Variants in PHKA2 observed in about 807,000 individuals in gnomAD.
The protein encoded by PHKA2 is phosphorylase kinase regulatory subunit alpha 2.
Under a neutral mutation model 102.0 loss-of-function variants are expected in PHKA2, and 31 were observed. The observed-to-expected ratio is 0.30, with a 90% CI of 0.23 to 0.41. The LOEUF is 0.41. Among genes scored for constraint, PHKA2 ranks in the 10% least tolerant of loss-of-function variants. PHKA2 has a pLI of 1.00. For synonymous variants in PHKA2, 455 were observed against 416.2 expected (o/e 1.09, Z -1.13); for missense variants, 858 against 1,023.1 (o/e 0.84, Z 2.20).
intron 1 of PHKA2, among the ~76,000 whole-genome samples, chrX:18,967,761 C>G (rs1382903187): frequency 9.2e-6 from 1 of 108,947 alleles, no homozygotes; most frequent in Non-Finnish European, 1.9e-5. Context: ...CCAGATCCAA[C>G]AAATGAAAGC....
In PHKA2 at chrX:18,926,743, G is replaced by C. The variant is rs776260596; in HGVS notation, c.1325-156C>G. On this transcript the variant is annotated intron_variant, in intron 13 of 32. Coordinates refer to ENST00000379942, the MANE Select transcript of PHKA2 (RefSeq NM_000292.3). Reference sequence around the variant, plus strand: ...TGGAAATGACAGTGTTCGTCCTGCTGCTCCTCCCCATTCTGTCCTTGCCAC... The same window carrying C: ...TGGAAATGACAGTGTTCGTCCTGCTCCTCCTCCCCATTCTGTCCTTGCCAC... 6.3e-5 allele frequency among the ~76,000 whole-genome samples: 7 copies of C among 111,451 alleles called. No homozygotes were observed. The East Asian group carries it at 2.0e-3, about 32-fold the overall frequency.
At chrX:18,928,934 AAAG>A (rs1485309308) in intron 13 of PHKA2, among the ~76,000 whole-genome samples, 1 of 112,752 alleles carries the variant, frequency 8.9e-6, no homozygotes, top group Non-Finnish European at 1.9e-5. Context: ...TCTATTTTTC[AAAG>A]AATAACAATG....
rs187820216 is a variant in PHKA2, at chrX:18,895,212, A to G, written c.3283-21T>C. ...TGGCACTGGAGGCAGAATAGAGCGC[A>G]TTTCAGTCAGATTCCAGAATGGGAT... On this transcript the variant is annotated intron_variant, in intron 30 of 32. Transcript: ENST00000379942. The G allele has an allele frequency of 3.3e-6, 4 of 1,198,093 alleles. No homozygotes were observed. The African/African-American group carries it at 7.0e-5, about 21-fold the overall frequency.
chrX:18,926,238 G>A (rs981841857), intron 14 of PHKA2, among the ~76,000 whole-genome samples: 6 of 112,416 alleles, frequency 5.3e-5, no homozygotes, highest in East Asian at 5.6e-4. Context: ...CAACAGATCC[G>A]GCGAATGCTT....
Position 18,929,825 on chromosome X carries a change from A to G in PHKA2, c.1246-519T>C, listed in dbSNP as rs768899579. Among the ~76,000 whole-genome samples the G allele has an allele frequency of 8.9e-5, 10 of 112,200 alleles. No individual in the cohort carries two copies. The South Asian group carries it at 3.8e-3, about 42-fold the overall frequency. On this transcript the variant is annotated intron_variant, in intron 12 of 32. Coordinates refer to ENST00000379942, the MANE Select transcript of PHKA2 (RefSeq NM_000292.3). ...CTTCCCCAAGGTGGGCATAGAAACCAGAATCCCTTTTCCCCAAAGCCAGCC... is the reference window on the plus strand; with the variant it reads ...CTTCCCCAAGGTGGGCATAGAAACCGGAATCCCTTTTCCCCAAAGCCAGCC...
At position 18,981,772 on chromosome X, in the gene PHKA2, A is replaced by C. The variant is rs187253547; in HGVS notation, c.78+2083T>G. Among the ~76,000 whole-genome samples, 16 of 111,257 alleles carry C rather than the reference A, an allele frequency of 1.4e-4. No homozygotes were observed. In the East Asian group the frequency reaches 1.7e-3, roughly 12 times the overall value. ...ACGTGTGGCCTCTATCAAAATCATA[A>C]CACCACCAAGAGCACCCATTATTTA... On this transcript the variant is annotated intron_variant, in intron 1 of 32. Coordinates refer to ENST00000379942, the MANE Select transcript of PHKA2 (RefSeq NM_000292.3).
At chrX:18,904,734 G>T (rs904016082) in intron 26 of PHKA2, among the ~76,000 whole-genome samples, 1 of 111,962 alleles carries the variant, frequency 8.9e-6, no homozygotes, top group Non-Finnish European at 1.9e-5. Context: ...CACATGCTCA[G>T]GAAACATACA....
chrX:18,892,843 A>C lies in PHKA2; in HGVS notation c.*642T>G, dbSNP rs1444734798. The C allele has an allele frequency of 8.9e-6, 1 of 112,747 alleles. No homozygotes were observed. The highest frequency in any genetic ancestry group is 2.8e-4 in the East Asian group (1 of 3,602). The allele number at this position is 112,747 out of a possible 1,213,427, so 9.3% of individuals were successfully genotyped here. A position where few individuals can be genotyped will look rare whatever the true frequency, so the allele number is the denominator to read the frequency against. Reference sequence around the variant, plus strand: ...ACAGCCAGGATAAAAACCCTGGAAGACCATGAGCCAAGGTGAACGAAGAGG... The same window carrying C: ...ACAGCCAGGATAAAAACCCTGGAAGCCCATGAGCCAAGGTGAACGAAGAGG... On this transcript the variant is annotated 3_prime_UTR_variant, in exon 33 of 33. Coordinates refer to ENST00000379942, the MANE Select transcript of PHKA2 (RefSeq NM_000292.3).
intron 22 of PHKA2, 55 bp from the exon 23 acceptor site, chrX:18,907,152 G>C: frequency 1.1e-6 from 1 of 886,120 alleles, no homozygotes; most frequent in East Asian, 3.4e-5. Context: ...TACTGGCAAA[G>C]ACGACAGACA....
At chrX:18,948,957 G>C in intron 4 of PHKA2, 131 bp from the exon 5 acceptor site, 1 of 482,272 alleles carries the variant, frequency 2.1e-6, no homozygotes. Context: ...CATCAAAAAT[G>C]AAGTCTTAAG....
intron 1 of PHKA2, among the ~76,000 whole-genome samples, chrX:18,964,800 T>TA (rs2048916404): frequency 8.9e-6 from 1 of 112,876 alleles, no homozygotes; most frequent in Non-Finnish European, 1.9e-5. Context: ...AAGATAGATT[T>TA]TGTACAATTT....
intron 18 of PHKA2, 127 bp from the exon 19 acceptor site, chrX:18,918,981 T>C: frequency 1.8e-6 from 1 of 562,165 alleles, no homozygotes; most frequent in Non-Finnish European, 3.2e-6. Flanking sequence ...GAGATATCGA[T>C]ATTTGCACTC....
chrX:18,941,882 G>C (rs1031631216), intron 7 of PHKA2, among the ~76,000 whole-genome samples: 2 of 112,916 alleles, frequency 1.8e-5, no homozygotes, highest in Non-Finnish European at 3.7e-5. Flanking sequence ...AGGGCTTGGG[G>C]AGAGCATGGT....
At position 18,908,892 on chromosome X, in the gene PHKA2, C is replaced by T; in HGVS notation, c.2269G>A (p.Asp757Asn). Residue 757 changes from aspartate (D) to asparagine (N), a missense_variant, in exon 21 of 33, where the codon GAC (aspartate) becomes AAC (asparagine). Asp to Asn is a conservative substitution (Grantham distance 23). Coordinates refer to ENST00000379942, the MANE Select transcript of PHKA2 (RefSeq NM_000292.3). ...TCAACCAGCTTCTCACAGTCCACGT[C>T]ACCATGGTCATCTCTGGGCCACTGA... ...DFQWPRDDHGDVDCEKLVEQL... is the reference protein window; with the variant it reads ...DFQWPRDDHGNVDCEKLVEQL... 2.5e-6 allele frequency: 3 copies of T among 1,209,295 alleles called. No homozygotes were observed. The highest frequency in any genetic ancestry group is 3.4e-6 in the Non-Finnish European group (3 of 893,264).
chrX:18,951,248 G>C lies in PHKA2; in HGVS notation c.310C>G (p.His104Asp). 1 of 1,211,706 alleles carries C rather than the reference G, an allele frequency of 8.3e-7. No homozygotes were observed. The highest frequency in any genetic ancestry group is 1.1e-6 in the Non-Finnish European group (1 of 895,345). ...RQVAKVEKFK[H>D]TQSTKDSLHA... is the part of the protein sequence containing the mutation. ...AGGCTGTCCTTGGTGCTCTGAGTGT[G>C]TTTGAACTTCTCCACTTTGGCCACC... The change falls in exon 4 of 33, where the codon CAC (histidine) becomes GAC (aspartate). Residue 104 changes from histidine (H) to aspartate (D), a missense_variant. Transcript: ENST00000379942.
intron 19 of PHKA2, among the ~76,000 whole-genome samples, chrX:18,916,614 G>C (rs2048024001): frequency 9.0e-6 from 1 of 111,609 alleles, no homozygotes; most frequent in Non-Finnish European, 1.9e-5. Context: ...CTCACTCTGA[G>C]TTCACAAGGG....
At chrX:18,954,049 T>C (rs1387276737) in intron 2 of PHKA2, among the ~76,000 whole-genome samples, 2 of 111,559 alleles carry the variant, frequency 1.8e-5, no homozygotes, top group Admixed American at 9.5e-5. Flanking sequence ...GTTGTCATTG[T>C]TTTATGTGGG....
At chrX:18,927,985 CCTT>C (rs1260296624) in intron 13 of PHKA2, among the ~76,000 whole-genome samples, 1 of 112,312 alleles carries the variant, frequency 8.9e-6, no homozygotes, top group Non-Finnish European at 1.9e-5. Context: ...CTGTGCCTGA[CCTT>C]CTGGGAATTT....
At chrX:18,961,460 A>C (rs559478372) in intron 1 of PHKA2, among the ~76,000 whole-genome samples, 1 of 109,879 alleles carries the variant, frequency 9.1e-6, no homozygotes, top group African/African-American at 3.3e-5. Context: ...GAGTTTGCGA[A>C]CAGCCTGACC....
Sources: gnomAD v4.1 joint callset for allele counts (sites outside exome capture counted in the v4.1 genomes callset) on GRCh38, gnomAD v4.1.1 for gene constraint, MANE v1.5 for transcripts, NCBI Gene and HGNC (gene_info 2026-07-23, HGNC 2026-07-21) for gene names.